Variants in PTDSS1 observed in about 807,000 individuals in gnomAD.
The protein encoded by PTDSS1 is phosphatidylserine synthase 1.
In PTDSS1, 45 loss-of-function variants were observed where a neutral mutation model predicts 70.5. The ratio of observed to expected loss-of-function variants is 0.64; its 90% CI spans 0.50 to 0.82. PTDSS1 has a LOEUF of 0.82. Among genes scored for constraint, PTDSS1 ranks in the 40% least tolerant of loss-of-function variants. The probability of loss-of-function intolerance (pLI) is 0.00; values close to 1 mark genes in which losing one functional copy is unlikely to be tolerated. For synonymous variants in PTDSS1, 188 were observed against 203.8 expected, an observed-to-expected ratio of 0.92 and a Z score of 0.66; for missense variants, 417 against 586.1, an observed-to-expected ratio of 0.71 and a Z score of 2.98.
At chr8:96,270,421 T>C (rs939877118) in intron 1 of PTDSS1, among the ~76,000 whole-genome samples, 1 of 152,194 alleles carries the variant, frequency 6.6e-6, no homozygotes. Flanking sequence ...CCAGACCTTA[T>C]AGAATGGCCC....
At chr8:96,286,025 A>ACTC (rs970199345) in intron 3 of PTDSS1, among the ~76,000 whole-genome samples, 1 of 151,808 alleles carries the variant, frequency 6.6e-6, no homozygotes, top group Non-Finnish European at 1.5e-5. Context: ...CCTCCCTTGA[A>ACTC]CTCCCTGAGG....
In PTDSS1 at chr8:96,272,602, T is replaced by C. The variant is rs533474698; in HGVS notation, c.180-697T>C. On this transcript the variant is annotated intron_variant, in intron 1 of 12. Coordinates refer to ENST00000517309, the MANE Select transcript of PTDSS1 (RefSeq NM_014754.3). ...CTGGTTTTGAATGCCAGCTTAGCAA[T>C]GTCTTACCTACACAACCTCAGACAA... 3.3e-5 allele frequency among the ~76,000 whole-genome samples: 5 copies of C among 152,310 alleles called. No individual in the cohort carries two copies. In the East Asian group the frequency reaches 9.7e-4, roughly 29 times the overall value.
At chr8:96,277,553 C>T (rs1169732372) in intron 2 of PTDSS1, among the ~76,000 whole-genome samples, 2 of 152,240 alleles carry the variant, frequency 1.3e-5, no homozygotes, top group African/African-American at 4.8e-5. Context: ...AAAATGGAGC[C>T]CAAACTTGCC....
rs1441544002 is a variant in PTDSS1, at chr8:96,284,093, T to A, written c.272-16T>A. 1.3e-6 allele frequency: 2 copies of A among 1,599,922 alleles called. No homozygotes were observed. Among genetic ancestry groups the A allele is most frequent in the Admixed American group, 1.7e-5 (1 of 59,370 alleles). Reference sequence around the variant, plus strand: ...AAACCAGTTCCTTCTAACTTTATAATGTTATTTATCTGCAGGTCCGTTCAC... The same window carrying A: ...AAACCAGTTCCTTCTAACTTTATAAAGTTATTTATCTGCAGGTCCGTTCAC... On this transcript the variant is annotated splice_polypyrimidine_tract_variant and intron_variant, in intron 2 of 12. Transcript: ENST00000517309.
intron 2 of PTDSS1, among the ~76,000 whole-genome samples, chr8:96,274,146 T>C (rs1810606828): frequency 6.6e-6 from 1 of 152,024 alleles, no homozygotes; most frequent in African/African-American, 2.4e-5. Flanking sequence ...TCTTCTATTT[T>C]TTTTTTTTTT....
chr8:96,284,331 G>C (rs1810791305), intron 3 of PTDSS1, among the ~76,000 whole-genome samples, 178 bp downstream of exon 3: 4 of 152,122 alleles, frequency 2.6e-5, no homozygotes, highest in South Asian at 2.1e-4. Context: ...ATAAAGTGTT[G>C]AGGATGACTT....
At chr8:96,307,702 T>C (rs1367193667) in intron 8 of PTDSS1, among the ~76,000 whole-genome samples, 1 of 152,208 alleles carries the variant, frequency 6.6e-6, no homozygotes, top group Non-Finnish European at 1.5e-5. Flanking sequence ...GTAATTTAAT[T>C]TGAGACTTTA....
At chr8:96,310,912 C>G (rs556454099) in intron 9 of PTDSS1, among the ~76,000 whole-genome samples, 1 of 151,924 alleles carries the variant, frequency 6.6e-6, no homozygotes, top group Non-Finnish European at 1.5e-5. Context: ...ACTACAGGCG[C>G]GTGCCACCAC....
chr8:96,298,295 A>T (rs1465167693), intron 5 of PTDSS1, among the ~76,000 whole-genome samples: 6 of 152,220 alleles, frequency 3.9e-5, no homozygotes, highest in Non-Finnish European at 5.9e-5. Context: ...TTTATAGCTT[A>T]CAAAATGCTT....
At chr8:96,333,409 C>G in intron 12 of PTDSS1, 48 bp from the exon 13 acceptor site, 3 of 1,544,302 alleles carry the variant, frequency 1.9e-6, no homozygotes, top group Non-Finnish European at 2.7e-6. Context: ...GGACAGTCAC[C>G]AATCTCCAGA....
intron 5 of PTDSS1, among the ~76,000 whole-genome samples, chr8:96,295,753 G>C (rs980104920): frequency 6.6e-6 from 1 of 152,160 alleles, no homozygotes; most frequent in South Asian, 2.1e-4. Context: ...TTATAGTCTT[G>C]AAAAACCATT....
At chr8:96,327,443 G>A (rs1211091647) in intron 10 of PTDSS1, among the ~76,000 whole-genome samples, 1 of 152,084 alleles carries the variant, frequency 6.6e-6, no homozygotes, top group Non-Finnish European at 1.5e-5. Context: ...CTTTAAAGAA[G>A]AACAGAAACA....
intron 9 of PTDSS1, among the ~76,000 whole-genome samples, chr8:96,312,299 T>C (rs946439364): frequency 6.6e-6 from 1 of 152,062 alleles, no homozygotes; most frequent in African/African-American, 2.4e-5. Flanking sequence ...AAAAGTTTTT[T>C]AAGTTAACCA....
intron 5 of PTDSS1, among the ~76,000 whole-genome samples, chr8:96,299,412 G>A (rs978994102): frequency 5.9e-5 from 9 of 152,102 alleles, no homozygotes; most frequent in African/African-American, 2.2e-4. Flanking sequence ...GTAATTAATT[G>A]GTAGTATTTT....
At chr8:96,265,380 G>C (rs1287378037) in intron 1 of PTDSS1, among the ~76,000 whole-genome samples, 4 of 152,188 alleles carry the variant, frequency 2.6e-5, no homozygotes, top group South Asian at 4.1e-4. Flanking sequence ...ACCTTGCACT[G>C]AAGTCTGAGA....
At chr8:96,327,000 C>T (rs1811447347) in intron 10 of PTDSS1, among the ~76,000 whole-genome samples, 2 of 152,238 alleles carry the variant, frequency 1.3e-5, no homozygotes, top group South Asian at 4.1e-4. Context: ...ACTGGGTGGC[C>T]ACCAGTGCTA....
At chr8:96,321,389 G>A (rs1369089708) in intron 10 of PTDSS1, among the ~76,000 whole-genome samples, 2 of 152,122 alleles carry the variant, frequency 1.3e-5, no homozygotes, top group African/African-American at 4.8e-5. Context: ...TTTTCTTAAA[G>A]GTTGTATTTG....
At position 96,335,556 on chromosome 8, in the gene PTDSS1, G is replaced by T. The variant is rs570391302; in HGVS notation, c.*1990G>T. On this transcript the variant is annotated 3_prime_UTR_variant, in exon 13 of 13. Coordinates refer to ENST00000517309, the MANE Select transcript of PTDSS1 (RefSeq NM_014754.3). ...CAGCTGTTTCGCAGGTGGTGAATTCGACTTTACTGTGGCATTGTGAAGAGC... is the reference window on the plus strand; with the variant it reads ...CAGCTGTTTCGCAGGTGGTGAATTCTACTTTACTGTGGCATTGTGAAGAGC... The T allele has an allele frequency of 2.0e-5, 3 of 152,240 alleles. No individual in the cohort carries two copies. Among genetic ancestry groups the T allele is most frequent in the Non-Finnish European group, 4.4e-5 (3 of 68,042 alleles). The allele number at this position is 152,240 out of a possible 1,614,324, so 9.4% of individuals were successfully genotyped here. A position where few individuals can be genotyped will look rare whatever the true frequency, so the allele number is the denominator to read the frequency against.
chr8:96,262,364 C>T lies in PTDSS1; in HGVS notation c.179+145C>T. ...GCACACGCACTGGCAGCCCGCCGCC[C>T]ACGCGGCCCCTCCGCCCGCCCGGTG... On this transcript the variant is annotated intron_variant, in intron 1 of 12. Transcript: ENST00000517309. This position sits in a 1 kb window ranked among gnomAD's most constrained non-coding sequence, Gnocchi z 4.4. The T allele has an allele frequency of 9.0e-7, 1 of 1,110,304 alleles. No individual in the cohort carries two copies. The highest frequency in any genetic ancestry group is 1.2e-6 in the Non-Finnish European group (1 of 803,994). The allele number at this position is 1,110,304 out of a possible 1,614,324, so 68.8% of individuals were successfully genotyped here. A position where few individuals can be genotyped will look rare whatever the true frequency, so the allele number is the denominator to read the frequency against.
Sources: gnomAD v4.1 joint callset for allele counts (sites outside exome capture counted in the v4.1 genomes callset) on GRCh38, gnomAD v4.1.1 for gene constraint, Gnocchi (gnomAD v3.1) non-coding constraint, MANE v1.5 for transcripts, NCBI Gene and HGNC (gene_info 2026-07-23, HGNC 2026-07-21) for gene names.